Variants in DNAJC16 observed in about 807,000 individuals in gnomAD.
DNAJC16 encodes the protein dnaJ homolog subfamily C member 16.
A neutral mutation model predicts 92.7 loss-of-function variants in DNAJC16; 76 were observed. The observed-to-expected ratio is 0.82, with a 90% CI of 0.68 to 0.99. DNAJC16 has a LOEUF of 0.99. Among genes scored for constraint, DNAJC16 ranks in the 50% least tolerant of loss-of-function variants. The probability of loss-of-function intolerance (pLI) is 0.00; values close to 1 mark genes in which losing one functional copy is unlikely to be tolerated. For missense variants in DNAJC16, 869 were observed against 942.4 expected (o/e 0.92, Z 1.02); for synonymous variants, 328 against 358.7 (o/e 0.91, Z 0.97).
chr1:15,544,270 A>G (rs757417751), intron 4 of DNAJC16, 129 bp from the exon 5 acceptor site: 184 of 883,974 alleles, frequency 2.1e-4, no homozygotes, highest in Non-Finnish European at 2.8e-4. Context: ...AGAATGCTAG[A>G]CAGTCTATTA....
At chr1:15,545,608 G>A (rs1232476581) in intron 5 of DNAJC16, among the ~76,000 whole-genome samples, 1 of 152,164 alleles carries the variant, frequency 6.6e-6, no homozygotes. Context: ...GAAATCTGGA[G>A]ACATGAAATA....
chr1:15,567,346 C>T (rs1638843283), intron 14 of DNAJC16, 77 bp downstream of exon 14: 2 of 1,471,418 alleles, frequency 1.4e-6, no homozygotes, highest in Non-Finnish European at 1.9e-6. Context: ...GCACGCTTTT[C>T]TCTTTGGTCT....
intron 1 of DNAJC16, among the ~76,000 whole-genome samples, chr1:15,528,154 C>T (rs1191119782): frequency 6.6e-6 from 1 of 152,230 alleles, no homozygotes; most frequent in Non-Finnish European, 1.5e-5. Context: ...ACCATATTGG[C>T]CGGCGCGATG....
At chr1:15,537,467 A>G (rs561302967) in intron 4 of DNAJC16, among the ~76,000 whole-genome samples, 1 of 152,340 alleles carries the variant, frequency 6.6e-6, no homozygotes, top group South Asian at 2.1e-4. Context: ...CACTGACCTC[A>G]CATTTGCAAG....
At chr1:15,535,730 G>A (rs530331455) in intron 3 of DNAJC16, among the ~76,000 whole-genome samples, 26 of 151,744 alleles carry the variant, frequency 1.7e-4, no homozygotes, top group Admixed American at 1.3e-3. Context: ...ACTCTATCTC[G>A]AAAAGAAAAA....
Position 15,544,397 on chromosome 1 carries a change from A to T in DNAJC16, c.575-2A>T, listed in dbSNP as rs141923023. The T allele has an allele frequency of 1.2e-6, 2 of 1,604,302 alleles. No individual in the cohort carries two copies. The highest frequency in any genetic ancestry group is 1.7e-6 in the Non-Finnish European group (2 of 1,173,944). ...TTCATTTGGATCTTCCATTCTTTTC[A>T]GGTGTAGGAATTGGCGTGGTCCATG... is the stretch of plus-strand genomic sequence containing the variant. On this transcript the variant is annotated splice_acceptor_variant, in intron 4 of 14. Transcript: ENST00000375847. LOFTEE classifies it high-confidence loss of function.
At chr1:15,566,463 A>G (rs889825860) in intron 13 of DNAJC16, 5 of 407,356 alleles carry the variant, frequency 1.2e-5, no homozygotes, top group Non-Finnish European at 2.2e-5. Flanking sequence ...GTAAATGTCA[A>G]TGAACGTAAC....
intron 6 of DNAJC16, among the ~76,000 whole-genome samples, chr1:15,547,684 C>T (rs139492331): frequency 0.011 from 1,736 of 152,114 alleles, 39 homozygotes; most frequent in African/African-American, 0.039. Flanking sequence ...TCAAGTGATC[C>T]GCCCACCTCG....
rs1275813020 is a variant in DNAJC16, at chr1:15,566,191, C to G, written c.1778+11C>G. On this transcript the variant is annotated intron_variant, in intron 13 of 14. Coordinates refer to ENST00000375847, the MANE Select transcript of DNAJC16 (RefSeq NM_015291.4). ...CAAAGAAAACAGCAGGTTTCTCTAACAAAACACCAGACTCACCTCCCCGGC... is the reference window on the plus strand; with the variant it reads ...CAAAGAAAACAGCAGGTTTCTCTAAGAAAACACCAGACTCACCTCCCCGGC... 1 of 1,610,118 alleles carries G rather than the reference C, an allele frequency of 6.2e-7. No individual in the cohort carries two copies. Among genetic ancestry groups the G allele is most frequent in the Admixed American group, 1.7e-5 (1 of 59,798 alleles).
In DNAJC16 at chr1:15,567,261, A is replaced by G. The variant is rs770512737; in HGVS notation, c.1941A>G (p.Thr647=). Residue 647 remains threonine, a synonymous_variant, in exon 14 of 15, where the codon ACA becomes ACG. Transcript: ENST00000375847. ...LLQKFALEVY[T]FTGSSCLHFS... is the part of the protein sequence containing the mutation. ...AGAAATTTGCTTTGGAGGTCTACACATTTACTGGGTAAGCATGTGTGTGTG... is the reference window on the plus strand; with the variant it reads ...AGAAATTTGCTTTGGAGGTCTACACGTTTACTGGGTAAGCATGTGTGTGTG... 1 of 1,613,230 alleles carries G rather than the reference A, an allele frequency of 6.2e-7. No individual in the cohort carries two copies. Among genetic ancestry groups the G allele is most frequent in the Non-Finnish European group, 8.5e-7 (1 of 1,179,336 alleles).
Position 15,564,069 on chromosome 1 carries a change from C to T in DNAJC16, c.1479C>T (p.Ser493=), listed in dbSNP as rs369156048. Reference sequence around the variant, plus strand: ...TGCGTAAAGATCCAGCTCTTCTGTCCTCTGAAGCAGTGCTTCCTGACCTGA... The same window carrying T: ...TGCGTAAAGATCCAGCTCTTCTGTCTTCTGAAGCAGTGCTTCCTGACCTGA... ...DQLRKDPALL[S]SEAVLPDLTD... is the part of the protein sequence containing the mutation. Residue 493 remains serine, a synonymous_variant, in exon 10 of 15, where the codon TCC becomes TCT. Coordinates refer to ENST00000375847, the MANE Select transcript of DNAJC16 (RefSeq NM_015291.4). The T allele has an allele frequency of 5.1e-5, 82 of 1,613,696 alleles. No homozygotes were observed. Among genetic ancestry groups the T allele is most frequent in the Non-Finnish European group, 6.6e-5 (78 of 1,179,676 alleles).
At chr1:15,533,017 GTTTTTCTTTCCAGAACC>G (rs1208307293) in intron 2 of DNAJC16, among the ~76,000 whole-genome samples, 1 of 152,070 alleles carries the variant, frequency 6.6e-6, no homozygotes, top group Non-Finnish European at 1.5e-5. Flanking sequence ...CCAGTGAATT[GTTTTTCTTTCCAGAACC>G]TATGTCAGAG....
intron 8 of DNAJC16, among the ~76,000 whole-genome samples, 197 bp from the exon 9 acceptor site, chr1:15,561,945 A>T (rs1638701397): frequency 6.6e-6 from 1 of 152,124 alleles, no homozygotes; most frequent in Non-Finnish European, 1.5e-5. Context: ...TTTGGGAAAA[A>T]CATCACAGAT....
intron 2 of DNAJC16, among the ~76,000 whole-genome samples, chr1:15,530,268 A>G (rs968490867): frequency 4.6e-5 from 7 of 151,592 alleles, no homozygotes; most frequent in African/African-American, 1.7e-4. Flanking sequence ...AAAAAAAAAA[A>G]GCCCAGAAGT....
intron 1 of DNAJC16, among the ~76,000 whole-genome samples, chr1:15,527,383 C>T (rs536902580): frequency 6.6e-6 from 1 of 152,330 alleles, no homozygotes; most frequent in South Asian, 2.1e-4. Context: ...GATCGTACTG[C>T]ATGGTAGAAA....
intron 7 of DNAJC16, among the ~76,000 whole-genome samples, chr1:15,548,866 G>A (rs1328422909): frequency 6.6e-6 from 1 of 152,070 alleles, no homozygotes; most frequent in Non-Finnish European, 1.5e-5. Flanking sequence ...ACTTTAAAAT[G>A]TAAAGTTAAA....
intron 5 of DNAJC16, among the ~76,000 whole-genome samples, chr1:15,545,525 G>A (rs1380210564): frequency 1.3e-5 from 2 of 152,202 alleles, no homozygotes; most frequent in African/African-American, 4.8e-5. Flanking sequence ...GTATGTTGGA[G>A]CCCATCGTAA....
intron 3 of DNAJC16, among the ~76,000 whole-genome samples, chr1:15,535,922 G>C (rs1249817786): frequency 6.6e-6 from 1 of 150,538 alleles, no homozygotes; most frequent in African/African-American, 2.4e-5. Context: ...GCACCACCAT[G>C]CCTGGCCGAT....
chr1:15,556,985 A>G (rs182786190), intron 7 of DNAJC16, among the ~76,000 whole-genome samples: 9 of 152,370 alleles, frequency 5.9e-5, no homozygotes, highest in African/African-American at 2.2e-4. Context: ...GCTAACTCAT[A>G]TTAATTCATT....
Sources: gnomAD v4.1 joint callset for allele counts (sites outside exome capture counted in the v4.1 genomes callset) on GRCh38, gnomAD v4.1.1 for gene constraint, MANE v1.5 for transcripts, NCBI Gene and HGNC (gene_info 2026-07-23, HGNC 2026-07-21) for gene names.